Variants in SMARCC2 observed in about 807,000 individuals in gnomAD.
SMARCC2 encodes SWI/SNF related BAF chromatin remodeling complex subunit C2, also known as SWI/SNF complex subunit SMARCC2.
In SMARCC2, 15 loss-of-function variants were observed where a neutral mutation model predicts 151.3. That is an observed-to-expected ratio of 0.10 (90% confidence interval 0.07 to 0.15). SMARCC2 has a LOEUF of 0.15. Ranked by LOEUF, SMARCC2 falls within the 10% of genes least tolerant of loss-of-function variation. The probability of loss-of-function intolerance (pLI) is 1.00; values close to 1 mark genes in which losing one functional copy is unlikely to be tolerated. For missense variants in SMARCC2, 1,031 were observed against 1,599.7 expected (o/e 0.64, Z 6.06); for synonymous variants, 590 against 609.5 (o/e 0.97, Z 0.47).
At chr12:56,178,370 T>C (rs1565911873) in intron 14 of SMARCC2, 34 bp downstream of exon 14, 1 of 1,613,192 alleles carries the variant, frequency 6.2e-7, no homozygotes, top group Non-Finnish European at 8.5e-7. Context: ...GGCAGGGAAA[T>C]AAGGACTCAG....
intron 26 of SMARCC2, 87 bp downstream of exon 26, chr12:56,167,973 C>T: frequency 3.2e-6 from 4 of 1,246,182 alleles, no homozygotes; most frequent in Non-Finnish European, 3.5e-6. Flanking sequence ...CACACACACA[C>T]ACACACACAC....
chr12:56,178,015 T>C lies in SMARCC2; in HGVS notation c.1382+7A>G, dbSNP rs765838075. 1.9e-6 allele frequency: 3 copies of C among 1,587,644 alleles called. No individual in the cohort carries two copies. Among genetic ancestry groups the C allele is most frequent in the Non-Finnish European group, 2.6e-6 (3 of 1,157,792 alleles). ...AGAAGGAGAATCATGAGATGAGATTTCCTTACATCTCTGGAGTCTTGGACT... is the reference window on the plus strand; with the variant it reads ...AGAAGGAGAATCATGAGATGAGATTCCCTTACATCTCTGGAGTCTTGGACT... On this transcript the variant is annotated splice_region_variant and intron_variant, in intron 15 of 28. Coordinates refer to ENST00000550164, the MANE Select transcript of SMARCC2 (RefSeq NM_001330288.2).
Position 56,168,067 on chromosome 12 carries a change from C to T in SMARCC2, c.2843G>A (p.Arg948Gln), listed in dbSNP as rs762346059. ...EELETIMDREREALEYQRQQL... is the reference protein window; with the variant it reads ...EELETIMDREQEALEYQRQQL... ...AGGGCTCCTGCTACTCACTGCTTCT[C>T]GCTCCCGGTCCATGATAGTCTCCAG... Residue 948 changes from arginine (R) to glutamine (Q), a missense_variant, in exon 26 of 29, where the codon CGA (arginine) becomes CAA (glutamine). By Grantham distance (43) the Arg-to-Gln change is conservative. Coordinates refer to ENST00000550164, the MANE Select transcript of SMARCC2 (RefSeq NM_001330288.2). 1.9e-6 allele frequency: 3 copies of T among 1,614,004 alleles called. No individual in the cohort carries two copies. The highest frequency in any genetic ancestry group is 8.5e-7 in the Non-Finnish European group (1 of 1,179,994).
intron 20 of SMARCC2, 76 bp from the exon 21 acceptor site, chr12:56,172,013 A>G: frequency 7.1e-7 from 1 of 1,413,968 alleles, no homozygotes; most frequent in Non-Finnish European, 9.6e-7. Context: ...CATCCTACTA[A>G]GGGCAGCTGG....
chr12:56,177,286 C>T (rs577503897), intron 15 of SMARCC2, among the ~76,000 whole-genome samples: 24 of 152,296 alleles, frequency 1.6e-4, no homozygotes, highest in Non-Finnish European at 2.6e-4. Flanking sequence ...GCCGTGTCAG[C>T]CAGGCTGGAG....
chr12:56,189,445 T>G lies in SMARCC2; in HGVS notation c.17A>C (p.Lys6Thr). 1 of 1,499,052 alleles carries G rather than the reference T, an allele frequency of 6.7e-7. No homozygotes were observed. The highest frequency in any genetic ancestry group is 9.0e-7 in the Non-Finnish European group (1 of 1,114,774). 92.9% of individuals were successfully genotyped at this position (1,499,052 alleles called of 1,614,324 possible). A position where few individuals can be genotyped will look rare whatever the true frequency, so the allele number is the denominator to read the frequency against. MAVRKKDGGPNVKYYE... is the reference protein window; with the variant it reads MAVRKTDGGPNVKYYE... The stretch of plus-strand genomic sequence containing the variant: ...GTACTTCACGTTGGGGCCGCCGTCC[T>G]TCTTCCGCACCGCCATCTTCTCCGG... The change falls in exon 1 of 29, where the codon AAG becomes ACG. Residue 6 changes from lysine to threonine, a missense_variant. Transcript: ENST00000550164.
rs1438770368 is a variant in SMARCC2, at chr12:56,181,475, G to GGCACACCC, written c.955_956+6dup. ...TGAACACGGGGGCAGGCTAGGGGCTGGCACACCCTTTCTTAGCATTTTTCT... is the reference window on the plus strand; with the variant it reads ...TGAACACGGGGGCAGGCTAGGGGCTGGCACACCCGCACACCCTTTCTTAGCATTTTTCT... On this transcript the variant is annotated splice_region_variant and intron_variant, in intron 10 of 28. Transcript: ENST00000550164. The GGCACACCC allele has an allele frequency of 4.7e-6, 7 of 1,481,786 alleles. 1 individual carries two copies. In the South Asian group the frequency reaches 9.4e-5, roughly 20 times the overall value. 91.8% of individuals were successfully genotyped at this position (1,481,786 alleles called of 1,614,324 possible).
intron 22 of SMARCC2, among the ~76,000 whole-genome samples, chr12:56,170,872 ACAGGCACGTGCCAC>A (rs1442497740): frequency 1.3e-5 from 2 of 151,790 alleles, no homozygotes; most frequent in Non-Finnish European, 2.9e-5. Context: ...AGCTGGGATT[ACAGGCACGTGCCAC>A]CACGCCCAGC....
At chr12:56,167,951 AACACACACACACACACACACACAC>A (rs56809897) in intron 26 of SMARCC2, 85 bp downstream of exon 26, 65 of 689,556 alleles carry the variant, frequency 9.4e-5, no homozygotes, top group Middle Eastern at 4.7e-4. Context: ...CTTTCACTGA[AACACACACACACACACACACACAC>A]ACACACACAC....
At chr12:56,168,266 G>A (rs1205600145) in intron 25 of SMARCC2, 72 bp from the exon 26 acceptor site, 10 of 1,563,560 alleles carry the variant, frequency 6.4e-6, no homozygotes, top group Middle Eastern at 3.4e-4. Context: ...GAAAGGTAGG[G>A]TGGATGCTGG....
In SMARCC2 at chr12:56,172,715, AG is replaced by A; in HGVS notation, c.1744-12del. On this transcript the variant is annotated splice_polypyrimidine_tract_variant and intron_variant, in intron 18 of 28. Coordinates refer to ENST00000550164, the MANE Select transcript of SMARCC2 (RefSeq NM_001330288.2). ...GGAAGCAGAGGTCTGCTATTTGTGG[AG>A]GGAAAGAAACAGGTGAGTACAAGTG... The A allele has an allele frequency of 1.2e-6, 2 of 1,613,928 alleles. No homozygotes were observed. Among genetic ancestry groups the A allele is most frequent in the Non-Finnish European group, 1.7e-6 (2 of 1,180,028 alleles).
At position 56,187,206 on chromosome 12, in the gene SMARCC2, G is replaced by A; in HGVS notation, c.212C>T (p.Ala71Val). The stretch of plus-strand genomic sequence containing the variant: ...ACTCACCGGCAGTTTAGTGAGCGGT[G>A]CATTGCTGACATGTTTGCCAAAAAC... ...EEVFGKHVSN[A>V]PLTKLPIKCF... is the part of the protein sequence containing the mutation. The change falls in exon 2 of 29, where the codon GCA (alanine) becomes GTA (valine). Residue 71 changes from alanine to valine, a missense_variant. Around this residue, in one of 12 missense-constraint regions of SMARCC2, gnomAD observed 14 missense variants for 45.4 expected, o/e 0.31. Coordinates refer to ENST00000550164, the MANE Select transcript of SMARCC2 (RefSeq NM_001330288.2). 1 of 1,613,954 alleles carries A rather than the reference G, an allele frequency of 6.2e-7. No individual in the cohort carries two copies. Among genetic ancestry groups the A allele is most frequent in the Non-Finnish European group, 8.5e-7 (1 of 1,179,898 alleles).
chr12:56,184,981 T>C (rs770661210), intron 4 of SMARCC2, 45 bp from the exon 5 acceptor site: 35 of 1,594,670 alleles, frequency 2.2e-5, no homozygotes, highest in Non-Finnish European at 2.8e-5. Context: ...AAGGGGTGTT[T>C]TAGATTCTCA....
intron 26 of SMARCC2, among the ~76,000 whole-genome samples, chr12:56,166,199 T>C (rs1872738216): frequency 6.6e-6 from 1 of 152,136 alleles, no homozygotes; most frequent in African/African-American, 2.4e-5. Context: ...TGGAGTACAG[T>C]AGCGTGATCT....
intron 10 of SMARCC2, 114 bp downstream of exon 10, chr12:56,181,368 T>C: frequency 1.4e-6 from 1 of 701,324 alleles, no homozygotes; most frequent in South Asian, 2.0e-5. Context: ...ACCTGCAGTA[T>C]TATGGCACAC....
rs1412660521 is a variant in SMARCC2 at position 56,181,292 on chromosome 12, T to C, written c.956+190A>G. The C allele has an allele frequency of 4.6e-6, 3 of 657,402 alleles. No individual in the cohort carries two copies. The African/African-American group carries it at 5.5e-5, about 12-fold the overall frequency. 40.7% of individuals were successfully genotyped at this position (657,402 alleles called of 1,614,324 possible). ...TTGATAAAGCTCTCTTTAAATGTAC[T>C]AGTGGGGCCAGAACCAGAACTAACA... On this transcript the variant is annotated intron_variant, in intron 10 of 28. Transcript: ENST00000550164.
rs1872350984 is a variant in SMARCC2, at chr12:56,164,296, T to C, written c.3661+7A>G. On this transcript the variant is annotated splice_region_variant and intron_variant, in intron 28 of 28. Transcript: ENST00000550164. ...CTCACCCTTCTCCCCTCTTGGCCCCTTCTCACCTGGCAGTGGGCTGGCACT... is the reference window on the plus strand; with the variant it reads ...CTCACCCTTCTCCCCTCTTGGCCCCCTCTCACCTGGCAGTGGGCTGGCACT... 2 of 1,612,014 alleles carry C rather than the reference T, an allele frequency of 1.2e-6. No homozygotes were observed. Among genetic ancestry groups the C allele is most frequent in the Non-Finnish European group, 1.7e-6 (2 of 1,179,746 alleles).
At chr12:56,168,546 G>A (rs1353835624) in intron 25 of SMARCC2, among the ~76,000 whole-genome samples, 2 of 152,012 alleles carry the variant, frequency 1.3e-5, no homozygotes, top group Non-Finnish European at 1.5e-5. Flanking sequence ...GCTAATTTCT[G>A]TGTTTTTAGT....
rs116193466 is a variant in SMARCC2, at chr12:56,167,559, G to A, written c.2850+501C>T. Among the ~76,000 whole-genome samples, 514 of 152,018 alleles carry A rather than the reference G, an allele frequency of 3.4e-3. 5 individuals carry two copies. The highest frequency in any genetic ancestry group is 0.012 in the African/African-American group (496 of 41,456). On this transcript the variant is annotated intron_variant, in intron 26 of 28. Coordinates refer to ENST00000550164, the MANE Select transcript of SMARCC2 (RefSeq NM_001330288.2). ...AGACAAAATGGTTCAACACTGTGTC[G>A]GTCCCATTCCCTTTCCAAGTTCACC...
Sources: gnomAD v4.1 joint callset for allele counts (sites outside exome capture counted in the v4.1 genomes callset) on GRCh38, gnomAD v4.1.1 for gene constraint, gnomAD v4.1.1 regional missense constraint, MANE v1.5 for transcripts, NCBI Gene and HGNC (gene_info 2026-07-23, HGNC 2026-07-21) for gene names.